The following AK8 variants were observed in gnomAD, a reference collection of about 807,000 sequenced individuals.
The protein encoded by AK8 is adenylate kinase 8.
Under a neutral mutation model 54.6 loss-of-function variants are expected in AK8, and 44 were observed. The ratio of observed to expected loss-of-function variants is 0.81; its 90% CI spans 0.63 to 1.04. The LOEUF is 1.04. AK8 is among the 50% of genes least tolerant of loss of function. AK8 has a pLI of 0.00. For missense variants in AK8, 555 were observed against 613.6 expected (o/e 0.90, Z 1.01); for synonymous variants, 239 against 245.6 (o/e 0.97, Z 0.25).
intron 11 of AK8, among the ~76,000 whole-genome samples, chr9:132,733,030 C>G (rs558920713): frequency 6.6e-6 from 1 of 152,110 alleles, no homozygotes; most frequent in Non-Finnish European, 1.5e-5. Context: ...TTGCTTCTGC[C>G]CAGTCGCCAG....
chr9:132,754,126 C>T lies in AK8; in HGVS notation c.1122-26592G>A, dbSNP rs1180976606. ...AAACTCCAGGGGAAGAAGAAGAGGG[C>T]ACATGGCCGCCTAGGATCTCTGCAA... On this transcript the variant is annotated intron_variant, in intron 11 of 12. Coordinates refer to ENST00000298545, the MANE Select transcript of AK8 (RefSeq NM_152572.3). Among the ~76,000 whole-genome samples the T allele has an allele frequency of 3.3e-5, 5 of 152,196 alleles. No individual in the cohort carries two copies. The East Asian group carries it at 9.6e-4, about 29-fold the overall frequency.
intron 6 of AK8, 53 bp downstream of exon 6, chr9:132,828,592 C>A: frequency 6.5e-7 from 1 of 1,536,588 alleles, no homozygotes; most frequent in South Asian, 1.2e-5. Context: ...GCTCACTGGC[C>A]ACCCCTTGGG....
rs150911901 is a variant in AK8, at chr9:132,745,343, G to A, written c.1122-17809C>T. Among the ~76,000 whole-genome samples the A allele has an allele frequency of 5.0e-3, 763 of 152,288 alleles. 7 individuals are homozygous for A. The highest frequency in any genetic ancestry group is 0.018 in the African/African-American group (728 of 41,566). ...GGGCCGGCTCCCTCTCTCGGATTAC[G>A]CGGCTAATTGCTCGACTTTACGGGG... On this transcript the variant is annotated intron_variant, in intron 11 of 12. Transcript: ENST00000298545.
Position 132,863,653 on chromosome 9 carries a change from G to A in AK8, c.333+12C>T, listed in dbSNP as rs746047369. 2.5e-6 allele frequency: 4 copies of A among 1,596,130 alleles called. No individual in the cohort carries two copies. The highest frequency in any genetic ancestry group is 3.4e-6 in the Non-Finnish European group (4 of 1,164,714). Reference sequence around the variant, plus strand: ...GCTGTGTGCCTACCCCTGTCCCCGGGGCCAGTCCTACCTTCCTTTGCAGAT... The same window carrying A: ...GCTGTGTGCCTACCCCTGTCCCCGGAGCCAGTCCTACCTTCCTTTGCAGAT... On this transcript the variant is annotated intron_variant, in intron 4 of 12. Coordinates refer to ENST00000298545, the MANE Select transcript of AK8 (RefSeq NM_152572.3).
chr9:132,826,685 C>A lies in AK8; in HGVS notation c.757+169G>T, dbSNP rs1841882346. ...GTGGGGTACCCCCAGGGGCTCTGCA[C>A]ACATGCATTTCTGGGCAGGGAACCC... On this transcript the variant is annotated intron_variant, in intron 8 of 12. Coordinates refer to ENST00000298545, the MANE Select transcript of AK8 (RefSeq NM_152572.3). The surrounding 1 kb of genome is among the most constrained non-coding windows in gnomAD (Gnocchi z 4.5). Among the ~76,000 whole-genome samples the A allele has an allele frequency of 6.6e-6, 1 of 152,204 alleles. No homozygotes were observed. The highest frequency in any genetic ancestry group is 2.4e-5 in the African/African-American group (1 of 41,446).
chr9:132,725,997 C>G, intron 12 of AK8, 72 bp from the exon 13 acceptor site: 1 of 1,393,506 alleles, frequency 7.2e-7, no homozygotes. Flanking sequence ...ACCCTCTACT[C>G]TACTGTGGAC....
At chr9:132,823,615 G>A (rs893767515) in intron 8 of AK8, among the ~76,000 whole-genome samples, 6 of 152,238 alleles carry the variant, frequency 3.9e-5, no homozygotes, top group Admixed American at 6.5e-5. Flanking sequence ...GCAGGTGTCT[G>A]CATTTCCTTC....
chr9:132,876,380 A>G (rs928908276), intron 1 of AK8, among the ~76,000 whole-genome samples: 5 of 150,996 alleles, frequency 3.3e-5, no homozygotes, highest in African/African-American at 9.7e-5. Context: ...AATTTCAAGG[A>G]TATCACTTAG....
At chr9:132,788,893 T>C (rs577224051) in intron 11 of AK8, among the ~76,000 whole-genome samples, 84 of 152,354 alleles carry the variant, frequency 5.5e-4, no homozygotes, top group African/African-American at 2.0e-3. Context: ...CTAATCCATA[T>C]TATAGATGCA....
intron 10 of AK8, among the ~76,000 whole-genome samples, chr9:132,793,727 A>G (rs982863928): frequency 2.0e-5 from 3 of 152,336 alleles, no homozygotes; most frequent in African/African-American, 7.2e-5. Context: ...TAAATGTCCT[A>G]TGTTGCTAAT....
chr9:132,733,793 G>A (rs941149062), intron 11 of AK8, among the ~76,000 whole-genome samples: 4 of 152,234 alleles, frequency 2.6e-5, no homozygotes, highest in Admixed American at 6.5e-5. Flanking sequence ...AAAGGTGAAA[G>A]CAAAGAATAC....
chr9:132,736,060 T>C (rs569897255), intron 11 of AK8, among the ~76,000 whole-genome samples: 1 of 152,218 alleles, frequency 6.6e-6, no homozygotes, highest in African/African-American at 2.4e-5. Context: ...TACCTAAACA[T>C]AGAAAAGGCA....
At chr9:132,876,277 A>G (rs1180941761) in intron 1 of AK8, among the ~76,000 whole-genome samples, 1 of 152,250 alleles carries the variant, frequency 6.6e-6, no homozygotes, top group African/African-American at 2.4e-5. Flanking sequence ...GAATGAGATG[A>G]TTTTAGATGG....
intron 11 of AK8, among the ~76,000 whole-genome samples, chr9:132,787,908 C>G (rs753123746): frequency 5.3e-5 from 8 of 152,010 alleles, no homozygotes; most frequent in Non-Finnish European, 1.0e-4. Flanking sequence ...GAAGTAGAGA[C>G]TCCAACTCAA....
At chr9:132,845,984 G>T (rs752183592) in intron 5 of AK8, among the ~76,000 whole-genome samples, 4 of 152,118 alleles carry the variant, frequency 2.6e-5, no homozygotes, top group Non-Finnish European at 1.5e-5. Context: ...CTGGAGTGGG[G>T]AAAGAAGGGC....
intron 11 of AK8, among the ~76,000 whole-genome samples, chr9:132,746,727 C>T (rs17149715): frequency 6.6e-6 from 1 of 152,144 alleles, no homozygotes; most frequent in Admixed American, 6.5e-5. Flanking sequence ...GAATGCCTTA[C>T]GGAGGCAGCA....
In AK8 at chr9:132,770,527, A is replaced by C. The variant is rs1838920615; in HGVS notation, c.1121+22107T>G. On this transcript the variant is annotated intron_variant, in intron 11 of 12. Coordinates refer to ENST00000298545, the MANE Select transcript of AK8 (RefSeq NM_152572.3). The surrounding 1 kb of genome is among the most constrained non-coding windows in gnomAD (Gnocchi z 4.3). ...GCGCGGGGGATGCCCCTCGCCCTGCACGCGCGCCCTGCCCCTGGCTGTAAC... is the reference window on the plus strand; with the variant it reads ...GCGCGGGGGATGCCCCTCGCCCTGCCCGCGCGCCCTGCCCCTGGCTGTAAC... 6.6e-6 allele frequency among the ~76,000 whole-genome samples: 1 copy of C among 152,152 alleles called. No individual in the cohort carries two copies. The highest frequency in any genetic ancestry group is 2.4e-5 in the African/African-American group (1 of 41,454).
intron 5 of AK8, among the ~76,000 whole-genome samples, chr9:132,851,057 G>A (rs1392146884): frequency 3.6e-4 from 55 of 152,188 alleles, no homozygotes; most frequent in Admixed American, 3.6e-3. Flanking sequence ...AGGCAAGTTG[G>A]GGGAAAAGAC....
chr9:132,814,082 A>C (rs1262979453), intron 10 of AK8, among the ~76,000 whole-genome samples: 1 of 151,794 alleles, frequency 6.6e-6, no homozygotes, highest in East Asian at 1.9e-4. Flanking sequence ...GTTCAAGATC[A>C]GCCTGGGCAA....
Sources: gnomAD v4.1 joint callset for allele counts (sites outside exome capture counted in the v4.1 genomes callset) on GRCh38, gnomAD v4.1.1 for gene constraint, Gnocchi (gnomAD v3.1) non-coding constraint, MANE v1.5 for transcripts, NCBI Gene and HGNC (gene_info 2026-07-23, HGNC 2026-07-21) for gene names.